The following CACNG2 variants were observed in gnomAD, a reference collection of about 807,000 sequenced individuals.
The protein encoded by CACNG2 is voltage-dependent calcium channel gamma-2 subunit.
CACNG2 carries 3 observed loss-of-function variants against 25.9 expected under a neutral mutation model. The ratio of observed to expected loss-of-function variants is 0.12; its 90% CI spans 0.05 to 0.30. The LOEUF (loss-of-function observed/expected upper bound fraction) is 0.30, where lower values mean the gene tolerates loss of function less well. CACNG2 is among the 10% of genes least tolerant of loss of function. The probability of loss-of-function intolerance (pLI) is 1.00; values close to 1 mark genes in which losing one functional copy is unlikely to be tolerated. For synonymous variants in CACNG2, 167 were observed against 173.3 expected, an observed-to-expected ratio of 0.96 and a Z score of 0.29; for missense variants, 341 against 432.5, an observed-to-expected ratio of 0.79 and a Z score of 1.88.
chr22:36,628,782 G>A (rs145917615), intron 1 of CACNG2, among the ~76,000 whole-genome samples: 2 of 152,142 alleles, frequency 1.3e-5, no homozygotes, highest in East Asian at 3.9e-4. Flanking sequence ...AACCCCCACT[G>A]CTTTTTTCTT....
chr22:36,670,630 T>TTTTTG (rs1555900631), intron 1 of CACNG2, among the ~76,000 whole-genome samples: 8 of 151,198 alleles, frequency 5.3e-5, no homozygotes, highest in Admixed American at 3.9e-4. Flanking sequence ...TGTTTTTGTT[T>TTTTTG]TTTTGTTTTG....
intron 1 of CACNG2, among the ~76,000 whole-genome samples, chr22:36,701,403 TCCATAGCGTGATCCC>T (rs1215348662): frequency 6.6e-6 from 1 of 152,124 alleles, no homozygotes; most frequent in Non-Finnish European, 1.5e-5. Flanking sequence ...CATGCCTTCA[TCCATAGCGTGATCCC>T]CCAGCCTTTA....
At chr22:36,658,613 C>T (rs974257264) in intron 1 of CACNG2, among the ~76,000 whole-genome samples, 1 of 152,188 alleles carries the variant, frequency 6.6e-6, no homozygotes, top group African/African-American at 2.4e-5. Context: ...TTTTAAATTC[C>T]TTCCGTCCTT....
rs538190446 is a variant in CACNG2 at position 36,703,238 on chromosome 22, A to AGCGGCGGCGGCGGCGGCGGCG, written c.-683_-663dup. On this transcript the variant is annotated 5_prime_UTR_variant, in exon 1 of 4. Coordinates refer to ENST00000300105, the MANE Select transcript of CACNG2 (RefSeq NM_006078.5). ...TCGCTTTCCATGGTTTTGCCCGGGC[A>AGCGGCGGCGGCGGCGGCGGCG]GCGGCGGCGGCGGCGGCGGCGGCGG... 4.6e-5 allele frequency: 7 copies of AGCGGCGGCGGCGGCGGCGGCG among 153,064 alleles called. No homozygotes were observed. The highest frequency in any genetic ancestry group is 1.8e-4 in the South Asian group (1 of 5,568). 9.5% of individuals were successfully genotyped at this position (153,064 alleles called of 1,614,324 possible). A position where few individuals can be genotyped will look rare whatever the true frequency, so the allele number is the denominator to read the frequency against.
intron 2 of CACNG2, among the ~76,000 whole-genome samples, chr22:36,574,642 G>A (rs1387464271): frequency 1.3e-5 from 2 of 152,028 alleles, no homozygotes; most frequent in African/African-American, 2.4e-5. Context: ...ATTAGCCAGG[G>A]GTGGTGGCGC....
rs953904142 is a variant in CACNG2, at chr22:36,698,537, G to A, written c.211+3829C>T. Reference sequence around the variant, plus strand: ...CGAGCGTGGAGCACTGTATCACCTCGCAGGCCATCATGACTTGGAAAAGAT... The same window carrying A: ...CGAGCGTGGAGCACTGTATCACCTCACAGGCCATCATGACTTGGAAAAGAT... On this transcript the variant is annotated intron_variant, in intron 1 of 3. Coordinates refer to ENST00000300105, the MANE Select transcript of CACNG2 (RefSeq NM_006078.5). Among the ~76,000 whole-genome samples, 9 of 152,180 alleles carry A rather than the reference G, an allele frequency of 5.9e-5. No homozygotes were observed. In the South Asian group the frequency reaches 1.0e-3, roughly 18 times the overall value.
chr22:36,586,517 G>A (rs143087870), intron 2 of CACNG2, among the ~76,000 whole-genome samples: 34 of 152,358 alleles, frequency 2.2e-4, no homozygotes, highest in African/African-American at 7.7e-4. Context: ...ATTCCAGGCT[G>A]ACCTGAGAGC....
At chr22:36,567,539 G>A (rs1935146523) in intron 2 of CACNG2, among the ~76,000 whole-genome samples, 1 of 151,172 alleles carries the variant, frequency 6.6e-6, no homozygotes, top group South Asian at 2.1e-4. Context: ...ATATGGTAAT[G>A]AAAAGGGAGA....
chr22:36,640,827 G>C (rs1174011972), intron 1 of CACNG2, among the ~76,000 whole-genome samples: 1 of 152,094 alleles, frequency 6.6e-6, no homozygotes, highest in Non-Finnish European at 1.5e-5. Flanking sequence ...CCTCAGTTTA[G>C]ATTCCAGAGT....
At chr22:36,657,188 G>T (rs1936720119) in intron 1 of CACNG2, among the ~76,000 whole-genome samples, 1 of 152,220 alleles carries the variant, frequency 6.6e-6, no homozygotes, top group Non-Finnish European at 1.5e-5. Flanking sequence ...TGAGATGTCT[G>T]CATCTTAATG....
intron 1 of CACNG2, among the ~76,000 whole-genome samples, chr22:36,603,978 C>T (rs1041841351): frequency 1.3e-5 from 2 of 152,136 alleles, no homozygotes; most frequent in African/African-American, 4.8e-5. Flanking sequence ...CTGCCAGAGA[C>T]AGTGATTCCT....
At chr22:36,593,395 G>C (rs1346212002) in intron 1 of CACNG2, among the ~76,000 whole-genome samples, 1 of 152,180 alleles carries the variant, frequency 6.6e-6, no homozygotes, top group Non-Finnish European at 1.5e-5. Context: ...GAGTCGGACA[G>C]GTAGGCTGGG....
chr22:36,644,870 G>A (rs1223339597), intron 1 of CACNG2, among the ~76,000 whole-genome samples: 1 of 151,856 alleles, frequency 6.6e-6, no homozygotes, highest in Non-Finnish European at 1.5e-5. Context: ...TCTTGGTAAT[G>A]GGGTCATCTC....
intron 1 of CACNG2, among the ~76,000 whole-genome samples, chr22:36,614,335 G>C (rs1935991589): frequency 6.6e-6 from 1 of 152,086 alleles, no homozygotes; most frequent in South Asian, 2.1e-4. Context: ...ATGCCTTAGT[G>C]CTCAGTTTAC....
chr22:36,588,508 C>T (rs1935539689), intron 1 of CACNG2, among the ~76,000 whole-genome samples: 1 of 152,356 alleles, frequency 6.6e-6, no homozygotes, highest in South Asian at 2.1e-4. Context: ...GTTTCATTCA[C>T]TGTCTTATCT....
At chr22:36,583,789 T>C (rs963066648) in intron 2 of CACNG2, among the ~76,000 whole-genome samples, 5 of 152,190 alleles carry the variant, frequency 3.3e-5, no homozygotes, top group African/African-American at 1.2e-4. Flanking sequence ...GCCAGGCTGA[T>C]GTGTCTAAAT....
At chr22:36,607,867 C>G (rs527395731) in intron 1 of CACNG2, among the ~76,000 whole-genome samples, 1 of 152,230 alleles carries the variant, frequency 6.6e-6, no homozygotes, top group African/African-American at 2.4e-5. Context: ...GAATTAAGCT[C>G]TCCTCTCTTC....
intron 1 of CACNG2, among the ~76,000 whole-genome samples, chr22:36,608,185 G>T (rs1935873095): frequency 6.6e-6 from 1 of 152,156 alleles, no homozygotes; most frequent in Admixed American, 6.5e-5. Flanking sequence ...GCTGAAGAGA[G>T]AATTTCTACA....
intron 1 of CACNG2, among the ~76,000 whole-genome samples, chr22:36,613,521 C>T (rs950555663): frequency 4.6e-5 from 7 of 152,108 alleles, no homozygotes; most frequent in Non-Finnish European, 8.8e-5. Flanking sequence ...TGGTTTTCTT[C>T]CTGTTCATTT....
Sources: allele counts gnomAD v4.1 joint callset (sites outside exome capture counted in the v4.1 genomes callset), GRCh38; gene constraint gnomAD v4.1.1; transcripts MANE v1.5; gene names NCBI Gene and HGNC (gene_info 2026-07-23, HGNC 2026-07-21).